Variants in ARFGEF2 observed in about 807,000 individuals in gnomAD.
The protein encoded by ARFGEF2 is ARF guanine nucleotide exchange factor 2.
ARFGEF2 carries 74 observed loss-of-function variants against 219.9 expected under a neutral mutation model. That is an observed-to-expected ratio of 0.34 (90% CI 0.28 to 0.41). The LOEUF is 0.41. Ranked by LOEUF, ARFGEF2 falls within the 10% of genes least tolerant of loss-of-function variation. ARFGEF2 has a pLI of 1.00. For missense variants in ARFGEF2, 1,743 were observed against 2,218.3 expected (o/e 0.79, Z 4.30); for synonymous variants, 733 against 799.2 (o/e 0.92, Z 1.40).
rs1048325363 is a variant in ARFGEF2, at chr20:48,985,737, T to C, written c.2276+124T>C. 4 of 1,044,138 alleles carry C rather than the reference T, an allele frequency of 3.8e-6. No individual in the cohort carries two copies. In the African/African-American group the frequency reaches 6.3e-5, roughly 16 times the overall value. The allele number at this position is 1,044,138 out of a possible 1,614,324, so 64.7% of individuals were successfully genotyped here. A position where few individuals can be genotyped will look rare whatever the true frequency, so the allele number is the denominator to read the frequency against. ...AAGCAACTGAAGCTTTTGTTTACCGTGTGCCAGGCACTGTGCTAAGGGATT... is the reference window on the plus strand; with the variant it reads ...AAGCAACTGAAGCTTTTGTTTACCGCGTGCCAGGCACTGTGCTAAGGGATT... On this transcript the variant is annotated intron_variant, in intron 16 of 38. Coordinates refer to ENST00000371917, the MANE Select transcript of ARFGEF2 (RefSeq NM_006420.3).
intron 12 of ARFGEF2, among the ~76,000 whole-genome samples, chr20:48,974,346 A>G (rs1600625182): frequency 6.6e-6 from 1 of 151,984 alleles, no homozygotes; most frequent in Non-Finnish European, 1.5e-5. Flanking sequence ...TCCTTACCTC[A>G]GGTGGTCCAC....
chr20:49,013,931 A>G lies in ARFGEF2; in HGVS notation c.4150A>G (p.Asn1384Asp). The change falls in exon 30 of 39, where the codon AAT becomes GAT. Residue 1384 changes from asparagine to aspartate, a missense_variant. This residue lies in a region of ARFGEF2 where 578 missense variants were observed against 664.0 expected (regional missense o/e 0.87). Transcript: ENST00000371917. ...LFRIVFRIFD[N>D]MKLPEQLSEK... ...CAGAATCGTGTTTCGGATTTTTGAC[A>G]ATATGAAACTCCCTGAGCAACTGTC... 4 of 1,614,064 alleles carry G rather than the reference A, an allele frequency of 2.5e-6. No individual in the cohort carries two copies. Among genetic ancestry groups the G allele is most frequent in the Non-Finnish European group, 3.4e-6 (4 of 1,179,978 alleles).
intron 35 of ARFGEF2, 108 bp from the exon 36 acceptor site, chr20:49,025,205 A>C (rs1045503330): frequency 8.8e-7 from 1 of 1,132,436 alleles, no homozygotes; most frequent in Non-Finnish European, 1.3e-6. Flanking sequence ...TGTGTCTTAT[A>C]GACAGGGATG....
At chr20:48,992,462 A>T (rs1041973351) in intron 21 of ARFGEF2, among the ~76,000 whole-genome samples, 2 of 152,198 alleles carry the variant, frequency 1.3e-5, no homozygotes, top group African/African-American at 4.8e-5. Flanking sequence ...CACATGGCTC[A>T]GATTCAGAGT....
Position 48,976,029 on chromosome 20 carries a change from C to T in ARFGEF2, c.1788C>T (p.Leu596=). The change falls in exon 14 of 39, where the codon CTC becomes CTT. Residue 596 remains leucine (L), a synonymous_variant. Coordinates refer to ENST00000371917, the MANE Select transcript of ARFGEF2 (RefSeq NM_006420.3). ...NHQTSLGQER[L]TDQEIGDGKG... Reference sequence around the variant, plus strand: ...GTTTCTCCGCAGGTCAGGAGAGGCTCACGGATCAGGAAATAGGGGATGGGA... The same window carrying T: ...GTTTCTCCGCAGGTCAGGAGAGGCTTACGGATCAGGAAATAGGGGATGGGA... 6.2e-7 allele frequency: 1 copy of T among 1,612,252 alleles called. No homozygotes were observed. The highest frequency in any genetic ancestry group is 8.5e-7 in the Non-Finnish European group (1 of 1,179,996).
At position 48,984,752 on chromosome 20, in the gene ARFGEF2, G is replaced by A; in HGVS notation, c.1982G>A (p.Gly661Glu). Reference sequence around the variant, plus strand: ...AGGTTCAACAAGAAACCCAAGAGGGGGATCCAGTTTCTCCAGGAGCAGGGC... The same window carrying A: ...AGGTTCAACAAGAAACCCAAGAGGGAGATCCAGTTTCTCCAGGAGCAGGGC... ...IELFNKKPKR[G>E]IQFLQEQGML... Residue 661 changes from glycine to glutamate, a missense_variant, in exon 15 of 39, where the codon GGG (glycine) becomes GAG (glutamate). Gly to Glu is a moderately conservative substitution (Grantham distance 98, BLOSUM62 -2). This residue lies in a region of ARFGEF2 where 666 missense variants were observed against 955.4 expected (regional missense o/e 0.70). Coordinates refer to ENST00000371917, the MANE Select transcript of ARFGEF2 (RefSeq NM_006420.3). 1 of 1,613,952 alleles carries A rather than the reference G, an allele frequency of 6.2e-7. No individual in the cohort carries two copies. The highest frequency in any genetic ancestry group is 8.5e-7 in the Non-Finnish European group (1 of 1,180,034).
At chr20:48,973,408 C>T (rs1481772977) in intron 12 of ARFGEF2, 124 bp downstream of exon 12, 1 of 984,834 alleles carries the variant, frequency 1.0e-6, no homozygotes, top group Non-Finnish European at 1.6e-6. Context: ...AATGCATATT[C>T]ACACACTTCC....
rs748951554 is a variant in ARFGEF2, at chr20:48,991,112, A to G, written c.2887A>G (p.Met963Val). The change falls in exon 21 of 39, where the codon ATG becomes GTG. Residue 963 changes from methionine (M) to valine (V), a missense_variant. Met to Val is a conservative substitution (Grantham distance 21, BLOSUM62 1). Around this residue, in one of 5 missense-constraint regions of ARFGEF2, gnomAD observed 666 missense variants for 955.4 expected, o/e 0.70. Transcript: ENST00000371917. ...CACAGCCAGCTCCAGCATCACAGAA[A>G]TGAAGCAGAAAAACATCGACACCAT... ...LLTASSSITE[M>V]KQKNIDTIKT... 6.2e-7 allele frequency: 1 copy of G among 1,614,186 alleles called. No individual in the cohort carries two copies. Among genetic ancestry groups the G allele is most frequent in the Non-Finnish European group, 8.5e-7 (1 of 1,180,030 alleles).
chr20:48,975,945 GC>G (rs1286437467), intron 13 of ARFGEF2, 70 bp from the exon 14 acceptor site: 14 of 1,513,030 alleles, frequency 9.3e-6, no homozygotes, highest in Non-Finnish European at 1.3e-5. Flanking sequence ...GAGCCGTGCA[GC>G]CAGACCTAGC....
chr20:49,002,604 C>G (rs970803299), intron 25 of ARFGEF2, among the ~76,000 whole-genome samples: 1 of 149,508 alleles, frequency 6.7e-6, no homozygotes, highest in Non-Finnish European at 1.5e-5. Flanking sequence ...TCAAGGCTGA[C>G]TTTATTATTT....
chr20:49,014,911 T>A (rs1231730383), intron 30 of ARFGEF2, among the ~76,000 whole-genome samples: 1 of 152,086 alleles, frequency 6.6e-6, no homozygotes, highest in African/African-American at 2.4e-5. Context: ...ACAGTTGCGG[T>A]TTTTCATAGG....
intron 1 of ARFGEF2, among the ~76,000 whole-genome samples, chr20:48,933,146 C>G (rs1371925198): frequency 1.3e-5 from 2 of 152,188 alleles, no homozygotes; most frequent in Non-Finnish European, 2.9e-5. Flanking sequence ...TGCAGCTGCC[C>G]CACCCTGCTC....
chr20:49,032,496 A>C (rs2091641909), intron 38 of ARFGEF2, among the ~76,000 whole-genome samples: 1 of 152,240 alleles, frequency 6.6e-6, no homozygotes, highest in African/African-American at 2.4e-5. Context: ...CCTGCTTTAC[A>C]AAATAAAAGA....
chr20:49,006,577 CAT>C (rs1030316886), intron 26 of ARFGEF2, among the ~76,000 whole-genome samples: 4 of 152,248 alleles, frequency 2.6e-5, no homozygotes, highest in East Asian at 1.9e-4. Context: ...AGCCAGCTAA[CAT>C]GTGTTTGGTA....
intron 1 of ARFGEF2, among the ~76,000 whole-genome samples, chr20:48,931,026 T>G (rs1016084594): frequency 6.6e-6 from 1 of 152,054 alleles, no homozygotes; most frequent in African/African-American, 2.4e-5. Flanking sequence ...TCAAGTGAGG[T>G]AAAGACTGGA....
chr20:49,019,018 T>A lies in ARFGEF2; in HGVS notation c.4624+20T>A. The A allele has an allele frequency of 1.3e-6, 2 of 1,578,980 alleles. No homozygotes were observed. Among genetic ancestry groups the A allele is most frequent in the Non-Finnish European group, 1.7e-6 (2 of 1,149,648 alleles). ...ACGCAAGTAAGGCCACTTTTTAATT[T>A]GTTTTAAATAAGTAACATGTTTATG... On this transcript the variant is annotated intron_variant, in intron 34 of 38. Transcript: ENST00000371917.
chr20:48,963,974 T>C (rs1243314660), intron 7 of ARFGEF2, 76 bp downstream of exon 7: 1 of 1,365,756 alleles, frequency 7.3e-7, no homozygotes, highest in South Asian at 1.2e-5. Flanking sequence ...ATTTTAGTGG[T>C]GGAGTTTCCT....
At chr20:48,930,290 C>T (rs960476306) in intron 1 of ARFGEF2, among the ~76,000 whole-genome samples, 2 of 152,194 alleles carry the variant, frequency 1.3e-5, no homozygotes, top group African/African-American at 4.8e-5. Flanking sequence ...GTGACCTAAT[C>T]ACTTCTTAAA....
intron 28 of ARFGEF2, among the ~76,000 whole-genome samples, chr20:49,012,463 T>C (rs983347367): frequency 1.1e-4 from 17 of 151,924 alleles, no homozygotes; most frequent in African/African-American, 1.7e-4. Context: ...TATTTAAAAA[T>C]CACCTTTTGT....
Sources: allele counts gnomAD v4.1 joint callset (sites outside exome capture counted in the v4.1 genomes callset), GRCh38; gene constraint gnomAD v4.1.1; regional missense constraint gnomAD v4.1.1; transcripts MANE v1.5; gene names NCBI Gene and HGNC (gene_info 2026-07-23, HGNC 2026-07-21).